ANGPT1: variants seen among roughly 807,000 people sequenced by gnomAD.
ANGPT1 encodes angiopoietin 1.
A neutral mutation model predicts 62.2 loss-of-function variants in ANGPT1; 17 were observed. The ratio of observed to expected loss-of-function variants is 0.27; its 90% CI spans 0.19 to 0.41. The LOEUF (loss-of-function observed/expected upper bound fraction) is 0.41, where lower values mean the gene tolerates loss of function less well. Among genes scored for constraint, ANGPT1 ranks in the 10% least tolerant of loss-of-function variants. The probability of loss-of-function intolerance (pLI) is 1.00; values close to 1 mark genes in which losing one functional copy is unlikely to be tolerated. For missense variants in ANGPT1, 478 were observed against 594.9 expected (o/e 0.80, Z 2.04); for synonymous variants, 199 against 198.9 (o/e 1.00, Z 0.00).
At chr8:107,286,670 C>T (rs557275206) in intron 6 of ANGPT1, among the ~76,000 whole-genome samples, 4 of 152,208 alleles carry the variant, frequency 2.6e-5, no homozygotes, top group Admixed American at 2.6e-4. Flanking sequence ...GCTGAATATG[C>T]TTGGTCCAGA....
rs904447111 is a variant in ANGPT1 at position 107,425,510 on chromosome 8, C to T, written c.297+71752G>A. ...AGAGGTAATTTAGTGGCTATCTTCC[C>T]GGCATGCTTATCTTGCTTTTCTAGA... On this transcript the variant is annotated intron_variant, in intron 1 of 8. Transcript: ENST00000517746. Among the ~76,000 whole-genome samples the T allele has an allele frequency of 3.9e-5, 6 of 152,250 alleles. No individual in the cohort carries two copies. In the South Asian group the frequency reaches 6.2e-4, roughly 16 times the overall value.
chr8:107,251,283 G>A lies in ANGPT1; in HGVS notation c.*572C>T, dbSNP rs1037515180. 2.0e-5 allele frequency: 3 copies of A among 152,870 alleles called. No homozygotes were observed. 9.5% of individuals were successfully genotyped at this position (152,870 alleles called of 1,614,324 possible). On this transcript the variant is annotated 3_prime_UTR_variant, in exon 9 of 9. Transcript: ENST00000517746. ...TGGGTAAGCAGAAATCAACTAGTAA[G>A]TATGATACTGGAATTAGGCTTCTGA...
Position 107,466,855 on chromosome 8 carries a change from T to A in ANGPT1, c.297+30407A>T, listed in dbSNP as rs570660947. ...TGAACCCAGGAGGCCGAGGTTGCAG[T>A]GAGCAGCAACTATGCCATTGCACTC... On this transcript the variant is annotated intron_variant, in intron 1 of 8. Coordinates refer to ENST00000517746, the MANE Select transcript of ANGPT1 (RefSeq NM_001146.5). Among the ~76,000 whole-genome samples, 3 of 152,112 alleles carry A rather than the reference T, an allele frequency of 2.0e-5. No homozygotes were observed. The South Asian group carries it at 6.2e-4, about 32-fold the overall frequency.
chr8:107,408,867 T>C (rs1817203545), intron 1 of ANGPT1, among the ~76,000 whole-genome samples: 1 of 152,188 alleles, frequency 6.6e-6, no homozygotes, highest in African/African-American at 2.4e-5. Context: ...TTATTTTCTG[T>C]TTTCCCACAA....
At chr8:107,416,077 A>G (rs1283677) in intron 1 of ANGPT1, among the ~76,000 whole-genome samples, 107,393 of 152,022 alleles carry the variant, frequency 0.71, 39,905 homozygotes, top group East Asian at 0.84. Flanking sequence ...ATTTTCCCCC[A>G]TATACCAAGC....
intron 1 of ANGPT1, among the ~76,000 whole-genome samples, chr8:107,475,595 T>C (rs1255756426): frequency 6.6e-6 from 1 of 152,136 alleles, no homozygotes; most frequent in Non-Finnish European, 1.5e-5. Context: ...TGGGATCTAA[T>C]TAAACAAACA....
chr8:107,435,685 A>G (rs970192483), intron 1 of ANGPT1, among the ~76,000 whole-genome samples: 5 of 152,352 alleles, frequency 3.3e-5, no homozygotes, highest in African/African-American at 1.2e-4. Flanking sequence ...ATTGTTTCTC[A>G]TATTTACTAC....
intron 1 of ANGPT1, among the ~76,000 whole-genome samples, chr8:107,432,143 T>C (rs1563620050): frequency 7.0e-6 from 1 of 143,230 alleles, no homozygotes; most frequent in Non-Finnish European, 1.5e-5. Context: ...CATGCAATTA[T>C]AAAAAAAAAA....
At chr8:107,376,295 G>A (rs1816529204) in intron 1 of ANGPT1, among the ~76,000 whole-genome samples, 1 of 152,194 alleles carries the variant, frequency 6.6e-6, no homozygotes, top group African/African-American at 2.4e-5. Context: ...TAGGATCCAT[G>A]TATGTGGTAA....
chr8:107,363,817 C>CA (rs1264518364), intron 1 of ANGPT1, among the ~76,000 whole-genome samples: 1 of 152,104 alleles, frequency 6.6e-6, no homozygotes, highest in African/African-American at 2.4e-5. Flanking sequence ...TACTTATTAA[C>CA]ACTGTGACTA....
rs60012429 is a variant in ANGPT1 at position 107,387,029 on chromosome 8, A to G, written c.298-39932T>C. On this transcript the variant is annotated intron_variant, in intron 1 of 8. Coordinates refer to ENST00000517746, the MANE Select transcript of ANGPT1 (RefSeq NM_001146.5). Reference sequence around the variant, plus strand: ...TACAAAAATAAATGATATTCCTTTAATAATTCTTAGTTTAGTGGGCTAAAT... The same window carrying G: ...TACAAAAATAAATGATATTCCTTTAGTAATTCTTAGTTTAGTGGGCTAAAT... 5.6e-3 allele frequency among the ~76,000 whole-genome samples: 848 copies of G among 152,238 alleles called. 8 individuals carry two copies. The highest frequency in any genetic ancestry group is 0.019 in the African/African-American group (803 of 41,570).
intron 1 of ANGPT1, among the ~76,000 whole-genome samples, chr8:107,449,321 A>C (rs1030891716): frequency 1.3e-5 from 2 of 151,838 alleles, no homozygotes; most frequent in African/African-American, 4.8e-5. Context: ...TATGTATTTC[A>C]ATCTATAGTA....
intron 1 of ANGPT1, among the ~76,000 whole-genome samples, chr8:107,420,683 T>G (rs577724181): frequency 6.6e-6 from 1 of 152,262 alleles, no homozygotes; most frequent in East Asian, 1.9e-4. Context: ...TATCAATCTG[T>G]TATTTAGGTC....
At chr8:107,255,289 A>G (rs1453486811) in intron 8 of ANGPT1, among the ~76,000 whole-genome samples, 3 of 152,174 alleles carry the variant, frequency 2.0e-5, no homozygotes, top group Non-Finnish European at 4.4e-5. Context: ...AAGAGCTTCT[A>G]TATAGTCTGT....
chr8:107,408,452 G>A (rs1464683140), intron 1 of ANGPT1, among the ~76,000 whole-genome samples: 1 of 152,110 alleles, frequency 6.6e-6, no homozygotes, highest in Non-Finnish European at 1.5e-5. Context: ...AGAAAAATGT[G>A]TTCCTCCGTC....
At chr8:107,324,760 T>C (rs563257960) in intron 3 of ANGPT1, among the ~76,000 whole-genome samples, 1 of 152,262 alleles carries the variant, frequency 6.6e-6, no homozygotes, top group African/African-American at 2.4e-5. Context: ...TATAATACCT[T>C]TAGTAGTGTG....
intron 1 of ANGPT1, among the ~76,000 whole-genome samples, chr8:107,379,819 C>T (rs543575753): frequency 2.0e-5 from 3 of 152,192 alleles, no homozygotes; most frequent in South Asian, 4.2e-4. Context: ...TGAATTTATT[C>T]AACTTTTTAA....
At chr8:107,311,790 T>C (rs976486762) in intron 4 of ANGPT1, among the ~76,000 whole-genome samples, 1 of 151,728 alleles carries the variant, frequency 6.6e-6, no homozygotes, top group Non-Finnish European at 1.5e-5. Flanking sequence ...AAAAGCTGGG[T>C]GCGGTGGCTC....
chr8:107,353,040 T>G (rs1244505564), intron 1 of ANGPT1, among the ~76,000 whole-genome samples: 1 of 152,232 alleles, frequency 6.6e-6, no homozygotes, highest in Non-Finnish European at 1.5e-5. Context: ...ATATACTATT[T>G]CTTTTATGAA....
Sources: gnomAD v4.1 joint callset for allele counts (sites outside exome capture counted in the v4.1 genomes callset) on GRCh38, gnomAD v4.1.1 for gene constraint, MANE v1.5 for transcripts, NCBI Gene and HGNC (gene_info 2026-07-23, HGNC 2026-07-21) for gene names.